PGGHG: variants seen among roughly 807,000 people sequenced by gnomAD.
PGGHG encodes protein-glucosylgalactosylhydroxylysine glucosidase, also known as ATH1, acid trehalase-like 1.
In PGGHG, 67 loss-of-function variants were observed where a neutral mutation model predicts 74.5. The ratio of observed to expected loss-of-function variants is 0.90; its 90% CI spans 0.74 to 1.10. The LOEUF (loss-of-function observed/expected upper bound fraction) is 1.10, where lower values mean the gene tolerates loss of function less well. Ranked by LOEUF, PGGHG falls within the 50% of genes least tolerant of loss-of-function variation. The pLI is 0.00. For missense variants in PGGHG, 1,034 were observed against 981.5 expected, an observed-to-expected ratio of 1.05 and a Z score of -0.72; for synonymous variants, 496 against 419.9, an observed-to-expected ratio of 1.18 and a Z score of -2.21.
intron 4 of PGGHG, 90 bp downstream of exon 4, chr11:291,203 G>A (rs1382171940): frequency 7.0e-7 from 1 of 1,437,124 alleles, no homozygotes; most frequent in Non-Finnish European, 9.4e-7. Flanking sequence ...GGCTATGGTT[G>A]GGGAAGCACA....
At chr11:293,539 C>T (rs201190713) in intron 9 of PGGHG, 37 bp downstream of exon 9, 39 of 1,612,152 alleles carry the variant, frequency 2.4e-5, no homozygotes, top group Middle Eastern at 3.3e-4. Flanking sequence ...CCCCTGCCGT[C>T]GAGACCCTCG....
chr11:291,227 A>C (rs1845711692), intron 4 of PGGHG, 114 bp downstream of exon 4: 1 of 1,291,758 alleles, frequency 7.7e-7, no homozygotes, highest in Non-Finnish European at 1.1e-6. Context: ...ACTGTGGCAA[A>C]AGGGAAGAGG....
chr11:290,171 T>A, intron 2 of PGGHG, 96 bp downstream of exon 2: 1 of 1,440,726 alleles, frequency 6.9e-7, no homozygotes, highest in Non-Finnish European at 9.1e-7. Flanking sequence ...CTCCTGAGTT[T>A]ACACAGGAAG....
chr11:289,973 A>T lies in PGGHG; in HGVS notation c.157A>T (p.Thr53Ser), dbSNP rs748461748. ...CGTGTACAATGGGGCTGGCGGGGAC[A>T]CGCACCGGGCCATGCTGCCCAGCCC... ...SGVYNGAGGD[T>S]HRAMLPSPLN... The change falls in exon 2 of 14, where the codon ACG (threonine) becomes TCG (serine). Residue 53 changes from threonine to serine, a missense_variant. Transcript: ENST00000409548. The surrounding 1 kb of genome is among the most constrained non-coding windows in gnomAD (Gnocchi z 5.6). 1 of 1,549,884 alleles carries T rather than the reference A, an allele frequency of 6.5e-7. No individual in the cohort carries two copies. Among genetic ancestry groups the T allele is most frequent in the South Asian group, 1.2e-5 (1 of 84,052 alleles).
chr11:289,691 G>T lies in PGGHG; in HGVS notation c.-13-113G>T. 1 of 1,342,438 alleles carries T rather than the reference G, an allele frequency of 7.4e-7. No homozygotes were observed. The highest frequency in any genetic ancestry group is 9.9e-7 in the Non-Finnish European group (1 of 1,012,836). The allele number at this position is 1,342,438 out of a possible 1,614,324, so 83.2% of individuals were successfully genotyped here. On this transcript the variant is annotated intron_variant, in intron 1 of 13. Transcript: ENST00000409548. The surrounding 1 kb of genome is among the most constrained non-coding windows in gnomAD (Gnocchi z 5.6). ...GCCTCAGGAAAATCGGGGCTGCCCA[G>T]CTGGTTCCGCAACTCCCCCCAGTTC...
Position 294,092 on chromosome 11 carries a change from C to T in PGGHG, c.1711-7C>T. On this transcript the variant is annotated splice_polypyrimidine_tract_variant and splice_region_variant and intron_variant, in intron 11 of 13. Transcript: ENST00000409548. Reference sequence around the variant, plus strand: ...GGTCCTGGTGTCAGCTGCCCTTGCCCCTGCAGGTGTGGACGGAGAATGCAG... The same window carrying T: ...GGTCCTGGTGTCAGCTGCCCTTGCCTCTGCAGGTGTGGACGGAGAATGCAG... The T allele has an allele frequency of 6.3e-7, 1 of 1,599,552 alleles. No homozygotes were observed.
intron 11 of PGGHG, 27 bp from the exon 12 acceptor site, chr11:294,072 T>C: frequency 6.3e-7 from 1 of 1,588,184 alleles, no homozygotes; most frequent in Non-Finnish European, 8.6e-7. Context: ...CTGGGGGTCC[T>C]GGTGTCAGCT....
In PGGHG at chr11:292,661, A is replaced by C; in HGVS notation, c.1142A>C (p.Tyr381Ser). The C allele has an allele frequency of 6.2e-7, 1 of 1,613,790 alleles. No individual in the cohort carries two copies. Residue 381 changes from tyrosine to serine, a missense_variant, in exon 6 of 14, where the codon TAC becomes TCC. Physicochemically the swap from Tyr to Ser is moderately radical, Grantham distance 144. Coordinates refer to ENST00000409548, the MANE Select transcript of PGGHG (RefSeq NM_025092.5). ...GCCGTGGTGTTGGCCTTCGAGCTGT[A>C]CTACCATACCACCCAGGTGAGGTGC... ...NGAVVLAFEL[Y>S]YHTTQDLQLF...
Position 292,317 on chromosome 11 carries a change from G to T in PGGHG, c.1026+222G>T, listed in dbSNP as rs141173647. 3.5e-3 allele frequency among the ~76,000 whole-genome samples: 530 copies of T among 152,206 alleles called. 3 individuals are homozygous for T. The highest frequency in any genetic ancestry group is 0.012 in the African/African-American group (511 of 41,528). ...GGGCTGGGACCCTGCTTTGGCCCAG[G>T]ACCCCCTGGGGTGCCCTTGCTGCCC... On this transcript the variant is annotated intron_variant, in intron 5 of 13. Coordinates refer to ENST00000409548, the MANE Select transcript of PGGHG (RefSeq NM_025092.5).
rs1004743310 is a variant in PGGHG at position 290,447 on chromosome 11, C to T, written c.317C>T (p.Ala106Val). The part of the protein sequence containing the change: ...PRFRASQCIY[A>V]HRTLPHVLAF... ...TTCCGGGCCTCCCAGTGCATCTATGCGCATCGCACGCTGCCCCACGTGCTG... is the reference window on the plus strand; with the variant it reads ...TTCCGGGCCTCCCAGTGCATCTATGTGCATCGCACGCTGCCCCACGTGCTG... Residue 106 changes from alanine to valine, a missense_variant, in exon 3 of 14, where the codon GCG (alanine) becomes GTG (valine). Physicochemically the swap from Ala to Val is moderately conservative, Grantham distance 64. Coordinates refer to ENST00000409548, the MANE Select transcript of PGGHG (RefSeq NM_025092.5). 4.5e-6 allele frequency: 7 copies of T among 1,549,128 alleles called. No individual in the cohort carries two copies. Among genetic ancestry groups the T allele is most frequent in the African/African-American group, 1.4e-5 (1 of 72,994 alleles).
Position 289,727 on chromosome 11 carries a change from T to C in PGGHG, c.-13-77T>C, listed in dbSNP as rs2134018294. ...AACTCCCCCCAGTTCTGAGGGAGGC[T>C]TCAGGGGATTACAGACGGTCTCAAG... On this transcript the variant is annotated intron_variant, in intron 1 of 13. Coordinates refer to ENST00000409548, the MANE Select transcript of PGGHG (RefSeq NM_025092.5). The surrounding 1 kb of genome is among the most constrained non-coding windows in gnomAD (Gnocchi z 5.6). 1 of 1,456,570 alleles carries C rather than the reference T, an allele frequency of 6.9e-7. No homozygotes were observed. Among genetic ancestry groups the C allele is most frequent in the South Asian group, 1.4e-5 (1 of 72,562 alleles). The allele number at this position is 1,456,570 out of a possible 1,614,324, so 90.2% of individuals were successfully genotyped here.
At chr11:292,442 G>A in intron 5 of PGGHG, 104 bp from the exon 6 acceptor site, 1 of 1,443,070 alleles carries the variant, frequency 6.9e-7, no homozygotes, top group Non-Finnish European at 9.5e-7. Flanking sequence ...CAGGGTACCT[G>A]GCGCAGGCCG....
In PGGHG at chr11:289,384, A is replaced by T. The variant is rs1381116025; in HGVS notation, c.-14+145A>T. On this transcript the variant is annotated intron_variant, in intron 1 of 13. Coordinates refer to ENST00000409548, the MANE Select transcript of PGGHG (RefSeq NM_025092.5). The surrounding 1 kb of genome is among the most constrained non-coding windows in gnomAD (Gnocchi z 5.6). ...ACCCCCACCCGCCCGGCGCCCCGGCAGCCCCGGACTCCCTCCCCCATCCCG... is the reference window on the plus strand; with the variant it reads ...ACCCCCACCCGCCCGGCGCCCCGGCTGCCCCGGACTCCCTCCCCCATCCCG... The T allele has an allele frequency of 8.3e-6, 1 of 121,022 alleles. No individual in the cohort carries two copies. Among genetic ancestry groups the T allele is most frequent in the Non-Finnish European group, 1.7e-5 (1 of 57,736 alleles). 7.5% of individuals were successfully genotyped at this position (121,022 alleles called of 1,614,324 possible). A position where few individuals can be genotyped will look rare whatever the true frequency, so the allele number is the denominator to read the frequency against.
intron 5 of PGGHG, 27 bp downstream of exon 5, chr11:292,122 T>C (rs1845741309): frequency 1.3e-6 from 2 of 1,528,576 alleles, no homozygotes; most frequent in African/African-American, 1.4e-5. Context: ...CACTGGCCCG[T>C]AGGGCCCTGC....
chr11:291,886 C>A, intron 4 of PGGHG, 90 bp from the exon 5 acceptor site: 1 of 1,477,506 alleles, frequency 6.8e-7, no homozygotes, highest in Admixed American at 2.5e-5. Context: ...AAGACGCCAG[C>A]GATGGAGCTC....
chr11:290,414 GC>G lies in PGGHG; in HGVS notation c.289del (p.Arg97AlafsTer91). 6.5e-7 allele frequency: 1 copy of G among 1,546,870 alleles called. No individual in the cohort carries two copies. ...GGCTCCTTTCTTCACACCCTGGAGG[GC>G]CCCCGCTTCCGGGCCTCCCAGTGCA... Reference protein sequence around the residue: ...NTGSFLHTLEGPRFRASQCIY... With the variant: ...NTGSFLHTLEXPRFRASQCIY... On this transcript the variant is annotated frameshift_variant, in exon 3 of 14. Transcript: ENST00000409548. LOFTEE classifies it high-confidence loss of function.
At chr11:291,709 A>G (rs781246816) in intron 4 of PGGHG, 60 of 373,560 alleles carry the variant, frequency 1.6e-4, no homozygotes, top group Admixed American at 3.7e-4. Context: ...GAAGCTGCCC[A>G]TGCGCATATT....
rs1159975753 is a variant in PGGHG at position 296,081 on chromosome 11, C to T, written c.*1332C>T. On this transcript the variant is annotated 3_prime_UTR_variant, in exon 14 of 14. Transcript: ENST00000409548. The stretch of plus-strand genomic sequence containing the variant: ...CGAGACCAGCACTCAGAGGTCGGCT[C>T]CCCTGACAGGAACCGTGTAGGGTGC... The T allele has an allele frequency of 6.6e-6, 1 of 152,290 alleles. No individual in the cohort carries two copies. The highest frequency in any genetic ancestry group is 1.5e-5 in the Non-Finnish European group (1 of 68,092). The allele number at this position is 152,290 out of a possible 1,614,324, so 9.4% of individuals were successfully genotyped here.
Position 294,852 on chromosome 11 carries a change from G to A in PGGHG, c.*103G>A. The A allele has an allele frequency of 7.5e-7, 1 of 1,332,922 alleles. No individual in the cohort carries two copies. The highest frequency in any genetic ancestry group is 1.0e-6 in the Non-Finnish European group (1 of 980,898). 82.6% of individuals were successfully genotyped at this position (1,332,922 alleles called of 1,614,324 possible). On this transcript the variant is annotated 3_prime_UTR_variant, in exon 14 of 14. Transcript: ENST00000409548. ...CCTAGCCTGCCATCCCTCACCTGCA[G>A]CCAGGCTCTCAGGGAAGGTCCATGC...
Sources: gnomAD v4.1 joint callset for allele counts (sites outside exome capture counted in the v4.1 genomes callset) on GRCh38, gnomAD v4.1.1 for gene constraint, Gnocchi (gnomAD v3.1) non-coding constraint, MANE v1.5 for transcripts, NCBI Gene and HGNC (gene_info 2026-07-23, HGNC 2026-07-21) for gene names.